Variants in CAST observed in about 807,000 individuals in gnomAD.
The protein encoded by CAST is calpastatin, also known as MIR583 host.
A neutral mutation model predicts 119.6 loss-of-function variants in CAST; 76 were observed. The observed-to-expected ratio is 0.64, with a 90% CI of 0.53 to 0.77. The LOEUF is 0.77. CAST is among the 30% of genes least tolerant of loss of function. The pLI is 0.00. For synonymous variants in CAST, 319 were observed against 331.6 expected, an observed-to-expected ratio of 0.96 and a Z score of 0.41; for missense variants, 953 against 946.5, an observed-to-expected ratio of 1.01 and a Z score of -0.09.
At chr5:96,472,209 C>G in the CAST span, among the ~76,000 whole-genome samples, 1 of 152,032 alleles carries the variant, frequency 6.6e-6, no homozygotes, top group Non-Finnish European at 1.5e-5. Context: ...ACATGAGCTC[C>G]AAAGATAAGA....
chr5:96,423,562 G>A, the CAST span: 2 of 1,034,322 alleles, frequency 1.9e-6, no homozygotes, highest in Non-Finnish European at 3.0e-6. Flanking sequence ...TTTTCCTTGG[G>A]TCACTCTACT....
the CAST span, among the ~76,000 whole-genome samples, chr5:96,348,818 A>G: frequency 1.3e-5 from 2 of 152,156 alleles, no homozygotes; most frequent in Non-Finnish European, 2.9e-5. Flanking sequence ...ACATGAACCC[A>G]CTTCCAGCCC....
At chr5:96,130,042 G>A in the CAST span, among the ~76,000 whole-genome samples, 209 of 109,546 alleles carry the variant, frequency 1.9e-3, 1 homozygote, top group African/African-American at 7.4e-3. Context: ...TTTTTTTTGA[G>A]ACGGAGTCTT....
chr5:96,366,726 C>G, the CAST span, among the ~76,000 whole-genome samples: 1 of 152,188 alleles, frequency 6.6e-6, no homozygotes, highest in Non-Finnish European at 1.5e-5. Flanking sequence ...GTTAGCCACT[C>G]ACCTAATCTT....
chr5:96,706,458 TAAAG>T (rs1169532283), intron 3 of CAST, among the ~76,000 whole-genome samples: 1 of 152,158 alleles, frequency 6.6e-6, no homozygotes, highest in Non-Finnish European at 1.5e-5. Context: ...AGTGAAAGGT[TAAAG>T]GAAGAGGGTT....
chr5:96,753,609 C>T (rs572553635), intron 20 of CAST, among the ~76,000 whole-genome samples: 1 of 152,326 alleles, frequency 6.6e-6, no homozygotes, highest in African/African-American at 2.4e-5. Flanking sequence ...AGAAAACAGG[C>T]TTCCGAGCCT....
chr5:96,663,706 A>G (rs1048894310), intron 1 of CAST, among the ~76,000 whole-genome samples: 37 of 152,066 alleles, frequency 2.4e-4, no homozygotes, highest in Non-Finnish European at 5.9e-5. Context: ...CCTTGGAGAG[A>G]GCGGTGGAGG....
At chr5:96,685,554 T>C (rs1031553143) in intron 2 of CAST, among the ~76,000 whole-genome samples, 1 of 152,248 alleles carries the variant, frequency 6.6e-6, no homozygotes, top group Non-Finnish European at 1.5e-5. Context: ...CAAAATCTCA[T>C]GGCAAATTTA....
At chr5:96,574,669 T>TACATTTA (rs143039491) in intron 1 of CAST, among the ~76,000 whole-genome samples, 9,663 of 152,240 alleles carry the variant, frequency 0.063, 838 homozygotes, top group East Asian at 0.31. Context: ...TTTTACATTT[T>TACATTTA]ACATTTATGT....
the CAST span, among the ~76,000 whole-genome samples, chr5:96,489,238 C>T: frequency 6.6e-6 from 1 of 152,088 alleles, no homozygotes; most frequent in Non-Finnish European, 1.5e-5. Flanking sequence ...CTCATCACCA[C>T]AATTATTTCT....
intron 1 of CAST, among the ~76,000 whole-genome samples, chr5:96,635,544 G>T (rs565857238): frequency 6.6e-6 from 1 of 152,262 alleles, no homozygotes; most frequent in Admixed American, 6.5e-5. Context: ...AAAGTTTCTA[G>T]CTATATAGAT....
At chr5:96,395,141 T>C in the CAST span, 2 of 892,600 alleles carry the variant, frequency 2.2e-6, no homozygotes, top group South Asian at 2.8e-5. Context: ...TTCTGTGCAT[T>C]TCATGTGAAA....
chr5:96,098,890 T>G, the CAST span, among the ~76,000 whole-genome samples: 18 of 152,230 alleles, frequency 1.2e-4, no homozygotes, highest in African/African-American at 3.6e-4. Flanking sequence ...AGGAATAGTG[T>G]TGGATCTATA....
chr5:96,556,012 C>A (rs796272222), intron 1 of CAST, among the ~76,000 whole-genome samples: 2 of 152,200 alleles, frequency 1.3e-5, no homozygotes, highest in East Asian at 1.9e-4. Flanking sequence ...TGAGACAAAA[C>A]TTCCAGAGGA....
chr5:96,663,079 C>T (rs1748787448), intron 1 of CAST: 1 of 701,756 alleles, frequency 1.4e-6, no homozygotes, highest in Admixed American at 2.0e-5. Flanking sequence ...TCCAACGCAA[C>T]ACCCCGCGCC....
the CAST span, among the ~76,000 whole-genome samples, chr5:96,460,252 T>G: frequency 6.6e-6 from 1 of 152,014 alleles, no homozygotes; most frequent in African/African-American, 2.4e-5. Context: ...CACAAAAGAA[T>G]GAGAAGAGTC....
chr5:96,469,873 A>G, the CAST span, among the ~76,000 whole-genome samples: 2 of 102,190 alleles, frequency 2.0e-5, no homozygotes, highest in Admixed American at 9.6e-5. Context: ...GTGTATATAT[A>G]TATATAATAT....
chr5:96,289,483 G>C, the CAST span, among the ~76,000 whole-genome samples: 1 of 152,072 alleles, frequency 6.6e-6, no homozygotes, highest in Non-Finnish European at 1.5e-5. Context: ...CGTCTCATGA[G>C]GTTTGATGGT....
the CAST span, among the ~76,000 whole-genome samples, chr5:96,075,744 C>T: frequency 6.6e-6 from 1 of 152,154 alleles, no homozygotes; most frequent in Non-Finnish European, 1.5e-5. Flanking sequence ...CATTTTTAAG[C>T]TTACTGCCAG....
Sources: gnomAD v4.1 joint callset for allele counts (sites outside exome capture counted in the v4.1 genomes callset) on GRCh38, gnomAD v4.1.1 for gene constraint, MANE v1.5 for transcripts, NCBI Gene and HGNC (gene_info 2026-07-23, HGNC 2026-07-21) for gene names.